CDCA7L: variants seen among roughly 807,000 people sequenced by gnomAD.
CDCA7L encodes the protein cell division cycle associated 7 like, also known as cell division cycle-associated 7-like protein.
Under a neutral mutation model 57.4 loss-of-function variants are expected in CDCA7L, and 44 were observed. The ratio of observed to expected loss-of-function variants is 0.77; its 90% CI spans 0.60 to 0.98. The LOEUF is 0.98. CDCA7L is among the 50% of genes least tolerant of loss of function. CDCA7L has a pLI of 0.00. For synonymous variants in CDCA7L, 236 were observed against 202.8 expected, an observed-to-expected ratio of 1.16 and a Z score of -1.39; for missense variants, 644 against 580.6, an observed-to-expected ratio of 1.11 and a Z score of -1.12.
At chr7:21,904,900 C>A (rs1051277033) in intron 7 of CDCA7L, among the ~76,000 whole-genome samples, 1 of 152,216 alleles carries the variant, frequency 6.6e-6, no homozygotes, top group African/African-American at 2.4e-5. Context: ...GGCAGAGCCC[C>A]TGAAAGGTGA....
rs544870416 is a variant in CDCA7L at position 21,904,915 on chromosome 7, T to G, written c.1047+591A>C. On this transcript the variant is annotated intron_variant, in intron 7 of 9. Transcript: ENST00000406877. ...GGCAGAGCCCCTGAAAGGTGACAGGTGACTGAGGGGCAATGAGCCTTGGGT... is the reference window on the plus strand; with the variant it reads ...GGCAGAGCCCCTGAAAGGTGACAGGGGACTGAGGGGCAATGAGCCTTGGGT... 4.6e-5 allele frequency among the ~76,000 whole-genome samples: 7 copies of G among 152,230 alleles called. No individual in the cohort carries two copies. In the South Asian group the frequency reaches 1.5e-3, roughly 32 times the overall value.
intron 1 of CDCA7L, among the ~76,000 whole-genome samples, chr7:21,923,694 G>C (rs986434969): frequency 2.6e-5 from 4 of 152,286 alleles, no homozygotes; most frequent in African/African-American, 9.6e-5. Flanking sequence ...AGGTGCCAAG[G>C]CTTCAGCTTT....
chr7:21,904,538 C>G (rs1308720196), intron 7 of CDCA7L, among the ~76,000 whole-genome samples: 5 of 152,190 alleles, frequency 3.3e-5, no homozygotes, highest in Non-Finnish European at 7.3e-5. Flanking sequence ...CCTGTCAGAT[C>G]AGCAGCAGCA....
chr7:21,924,254 G>A (rs1785756266), intron 1 of CDCA7L, among the ~76,000 whole-genome samples: 1 of 152,096 alleles, frequency 6.6e-6, no homozygotes, highest in South Asian at 2.1e-4. Flanking sequence ...ACTGATACAA[G>A]GGCTGATTCT....
chr7:21,903,332 G>GCTTAAAAATTATGGAGATTTTC (rs1562618941), intron 8 of CDCA7L, among the ~76,000 whole-genome samples: 2 of 152,114 alleles, frequency 1.3e-5, no homozygotes, highest in African/African-American at 4.8e-5. Context: ...AGGGCTCCTT[G>GCTTAAAAATTATGGAGATTTTC]CTTAAAAATT....
chr7:21,937,132 G>A lies in CDCA7L; in HGVS notation c.24+8649C>T, dbSNP rs374480911. On this transcript the variant is annotated intron_variant, in intron 1 of 9. Transcript: ENST00000406877. Reference sequence around the variant, plus strand: ...CTTGTACACTGAAAACTACATCCCCGAAAAAATCAAGGAAGACAAGGAAAT... The same window carrying A: ...CTTGTACACTGAAAACTACATCCCCAAAAAAATCAAGGAAGACAAGGAAAT... 8.8e-4 allele frequency among the ~76,000 whole-genome samples: 134 copies of A among 152,104 alleles called. 2 individuals carry two copies. Among genetic ancestry groups the A allele is most frequent in the South Asian group, 1.9e-3 (9 of 4,822 alleles).
chr7:21,919,302 T>C (rs1464091686), intron 1 of CDCA7L, among the ~76,000 whole-genome samples: 1 of 152,188 alleles, frequency 6.6e-6, no homozygotes, highest in Non-Finnish European at 1.5e-5. Context: ...CTCATAATGC[T>C]GACTGTCCCA....
intron 9 of CDCA7L, 73 bp from the exon 10 acceptor site, chr7:21,902,425 CACAATCATCT>C: frequency 2.8e-6 from 4 of 1,409,310 alleles, no homozygotes; most frequent in Non-Finnish European, 4.0e-6. Context: ...TGAGAGATTC[CACAATCATCT>C]AAGAGTACAA....
At chr7:21,915,821 C>G (rs529383748) in intron 2 of CDCA7L, among the ~76,000 whole-genome samples, 1 of 151,932 alleles carries the variant, frequency 6.6e-6, no homozygotes, top group Non-Finnish European at 1.5e-5. Flanking sequence ...CAATGATACT[C>G]CATCTTGGAA....
chr7:21,907,752 AACTTCTC>A (rs1159010846), intron 4 of CDCA7L, among the ~76,000 whole-genome samples: 4 of 152,112 alleles, frequency 2.6e-5, no homozygotes, highest in Non-Finnish European at 5.9e-5. Context: ...TGCTCCTTGC[AACTTCTC>A]AGTGGACTTG....
intron 4 of CDCA7L, among the ~76,000 whole-genome samples, chr7:21,907,582 C>T (rs1562622159): frequency 1.3e-5 from 2 of 152,148 alleles, no homozygotes; most frequent in African/African-American, 2.4e-5. Context: ...AAAGATTTCA[C>T]CTGGTTCCAT....
intron 1 of CDCA7L, among the ~76,000 whole-genome samples, chr7:21,921,968 A>C (rs1785668155): frequency 6.6e-6 from 1 of 152,204 alleles, no homozygotes; most frequent in African/African-American, 2.4e-5. Context: ...ATGAGAACAC[A>C]GGTACTAGAA....
At chr7:21,937,366 G>C (rs1326201909) in intron 1 of CDCA7L, among the ~76,000 whole-genome samples, 1 of 152,270 alleles carries the variant, frequency 6.6e-6, no homozygotes, top group Non-Finnish European at 1.5e-5. Context: ...CAGGCGCAGT[G>C]GCTCACACCT....
rs150892864 is a variant in CDCA7L, at chr7:21,928,980, G to C, written c.25-12086C>G. Among the ~76,000 whole-genome samples, 791 of 152,172 alleles carry C rather than the reference G, an allele frequency of 5.2e-3. 9 individuals carry two copies. Among genetic ancestry groups the C allele is most frequent in the African/African-American group, 0.017 (711 of 41,524 alleles). Reference sequence around the variant, plus strand: ...ATACCACAAAGATACTCCTCGAGAAGAGCAACCCCAAGACACATAATCATC... The same window carrying C: ...ATACCACAAAGATACTCCTCGAGAACAGCAACCCCAAGACACATAATCATC... On this transcript the variant is annotated intron_variant, in intron 1 of 9. Coordinates refer to ENST00000406877, the MANE Select transcript of CDCA7L (RefSeq NM_018719.5).
At chr7:21,944,668 C>T (rs1786457164) in intron 1 of CDCA7L, 1 of 151,950 alleles carries the variant, frequency 6.6e-6, no homozygotes, top group African/African-American at 2.4e-5. Context: ...ACTAAAAGGC[C>T]AAAGCTACCG....
At chr7:21,918,321 C>A (rs368375023) in intron 1 of CDCA7L, among the ~76,000 whole-genome samples, 52 of 152,314 alleles carry the variant, frequency 3.4e-4, no homozygotes, top group Middle Eastern at 6.8e-3. Flanking sequence ...GGATCCCGAC[C>A]CAACTCCCCT....
chr7:21,928,336 C>G (rs900459267), intron 1 of CDCA7L, among the ~76,000 whole-genome samples: 3 of 152,062 alleles, frequency 2.0e-5, no homozygotes, highest in African/African-American at 7.2e-5. Flanking sequence ...GATAAATCCA[C>G]GAAGATGAGG....
chr7:21,903,120 A>AGAGAGATGAC lies in CDCA7L; in HGVS notation c.1198-16_1198-7dup. ...CAGGGGGGACACACCCAATCCTAAC[A>AGAGAGATGAC]GAGAGATGACAGCAGACACTTCGCT... On this transcript the variant is annotated splice_polypyrimidine_tract_variant and splice_region_variant and intron_variant, in intron 8 of 9. Coordinates refer to ENST00000406877, the MANE Select transcript of CDCA7L (RefSeq NM_018719.5). The AGAGAGATGAC allele has an allele frequency of 6.2e-7, 1 of 1,612,660 alleles. No homozygotes were observed. The highest frequency in any genetic ancestry group is 8.5e-7 in the Non-Finnish European group (1 of 1,179,528).
chr7:21,900,909 C>T lies in CDCA7L; in HGVS notation c.*1413G>A. ...ACTGACAAGCAAAAATATGACAAAACCAGAATGTTGAATGTTTATTGCATC... is the reference window on the plus strand; with the variant it reads ...ACTGACAAGCAAAAATATGACAAAATCAGAATGTTGAATGTTTATTGCATC... On this transcript the variant is annotated 3_prime_UTR_variant, in exon 10 of 10. Coordinates refer to ENST00000406877, the MANE Select transcript of CDCA7L (RefSeq NM_018719.5). The T allele has an allele frequency of 6.8e-7, 1 of 1,475,370 alleles. No homozygotes were observed. Among genetic ancestry groups the T allele is most frequent in the South Asian group, 1.6e-5 (1 of 64,482 alleles). The allele number at this position is 1,475,370 out of a possible 1,614,324, so 91.4% of individuals were successfully genotyped here. A position where few individuals can be genotyped will look rare whatever the true frequency, so the allele number is the denominator to read the frequency against.
Sources: allele counts gnomAD v4.1 joint callset (sites outside exome capture counted in the v4.1 genomes callset), GRCh38; gene constraint gnomAD v4.1.1; transcripts MANE v1.5; gene names NCBI Gene and HGNC (gene_info 2026-07-23, HGNC 2026-07-21).